The following SNTG1 variants were observed in gnomAD, a reference collection of about 807,000 sequenced individuals.
The protein encoded by SNTG1 is gamma-1-syntrophin.
In SNTG1, 39 loss-of-function variants were observed where a neutral mutation model predicts 74.7. The observed-to-expected ratio is 0.52, with a 90% CI of 0.40 to 0.68. The LOEUF is 0.68. Among genes scored for constraint, SNTG1 ranks in the 30% least tolerant of loss-of-function variants. The probability of loss-of-function intolerance (pLI) is 0.00; values close to 1 mark genes in which losing one functional copy is unlikely to be tolerated. For missense variants in SNTG1, 685 were observed against 609.5 expected, an observed-to-expected ratio of 1.12 and a Z score of -1.30; for synonymous variants, 254 against 217.1, an observed-to-expected ratio of 1.17 and a Z score of -1.49.
In SNTG1 at chr8:50,731,941, C is replaced by T. The variant is rs140736596; in HGVS notation, c.1285-20060C>T. On this transcript the variant is annotated intron_variant, in intron 17 of 18. Transcript: ENST00000642720. ...TTTACAAGTTTACACAATTTGCCTA[C>T]GTTCTTGTCTCTTTTCCTAGTTTAC... Among the ~76,000 whole-genome samples, 10 of 152,170 alleles carry T rather than the reference C, an allele frequency of 6.6e-5. No individual in the cohort carries two copies. In the South Asian group the frequency reaches 8.3e-4, roughly 13 times the overall value.
At chr8:50,497,794 A>T (rs117257101) in intron 8 of SNTG1, among the ~76,000 whole-genome samples, 8 of 152,126 alleles carry the variant, frequency 5.3e-5, no homozygotes, top group Non-Finnish European at 1.2e-4. Context: ...CTGAACAATC[A>T]CTAATCTGCT....
intron 1 of SNTG1, among the ~76,000 whole-genome samples, chr8:50,079,241 G>A (rs763564453): frequency 1.4e-4 from 21 of 152,082 alleles, no homozygotes; most frequent in Non-Finnish European, 2.5e-4. Flanking sequence ...ACTTTTTAAC[G>A]ATCGCCATTC....
intron 2 of SNTG1, among the ~76,000 whole-genome samples, chr8:50,256,634 T>A (rs929188201): frequency 1.3e-5 from 2 of 152,084 alleles, no homozygotes; most frequent in Non-Finnish European, 2.9e-5. Context: ...ACATGTTTAA[T>A]AAATATTTTG....
intron 2 of SNTG1, among the ~76,000 whole-genome samples, chr8:50,392,662 A>G (rs2092677545): frequency 6.6e-6 from 1 of 152,208 alleles, no homozygotes; most frequent in Non-Finnish European, 1.5e-5. Context: ...CTTTGTGCTT[A>G]TATATGAATT....
intron 12 of SNTG1, among the ~76,000 whole-genome samples, chr8:50,555,532 G>A (rs2094450997): frequency 6.6e-6 from 1 of 151,982 alleles, no homozygotes; most frequent in African/African-American, 2.4e-5. Context: ...TTAGATATCA[G>A]TTCTACTTCT....
Position 50,734,800 on chromosome 8 carries a change from TATATATAGATATCTATATATATGGAC to T in SNTG1, c.1285-17193_1285-17168del, listed in dbSNP as rs1281891350. On this transcript the variant is annotated intron_variant, in intron 17 of 18. Coordinates refer to ENST00000642720, the MANE Select transcript of SNTG1 (RefSeq NM_018967.5). The stretch of plus-strand genomic sequence containing the variant: ...ATATAGATATCTATATATATGGACA[TATATATAGATATCTATATATATGGAC>T]ATATATATATCTATATATATGGACA... Among the ~76,000 whole-genome samples, 106 of 98,908 alleles carry T rather than the reference TATATATAGATATCTATATATATGGAC, an allele frequency of 1.1e-3. 10 individuals carry two copies. The highest frequency in any genetic ancestry group is 4.5e-3 in the African/African-American group (94 of 20,874). The allele number at this position is 98,908 out of a possible 152,430, so 64.9% of individuals were successfully genotyped here. A position where few individuals can be genotyped will look rare whatever the true frequency, so the allele number is the denominator to read the frequency against.
chr8:49,939,542 C>T (rs1195915333), intron 1 of SNTG1, among the ~76,000 whole-genome samples: 1 of 152,178 alleles, frequency 6.6e-6, no homozygotes, highest in African/African-American at 2.4e-5. Flanking sequence ...CTCAAACAAT[C>T]TTTTCCACTT....
upstream of SNTG1, among the ~76,000 whole-genome samples, chr8:49,910,293 G>T (rs1051382509): frequency 2.0e-5 from 3 of 151,868 alleles, no homozygotes; most frequent in African/African-American, 7.3e-5. Flanking sequence ...GCCCCTCCCG[G>T]ACCCCCGTCC....
intron 12 of SNTG1, among the ~76,000 whole-genome samples, chr8:50,582,461 A>C (rs1356633755): frequency 6.6e-6 from 1 of 152,158 alleles, no homozygotes; most frequent in African/African-American, 2.4e-5. Context: ...TATACTGATA[A>C]GTATCCTCTA....
chr8:50,177,135 A>T (rs1375831437), intron 2 of SNTG1, among the ~76,000 whole-genome samples: 1 of 152,188 alleles, frequency 6.6e-6, no homozygotes, highest in African/African-American at 2.4e-5. Context: ...AGTCTCAAAA[A>T]TTATTCTCAT....
At chr8:50,148,909 T>C (rs367759998) in intron 1 of SNTG1, among the ~76,000 whole-genome samples, 1 of 152,236 alleles carries the variant, frequency 6.6e-6, no homozygotes, top group South Asian at 2.1e-4. Flanking sequence ...TTTGGGTATA[T>C]ACCCAGTAAT....
At chr8:50,077,588 A>T (rs924462844) in intron 1 of SNTG1, among the ~76,000 whole-genome samples, 1 of 152,216 alleles carries the variant, frequency 6.6e-6, no homozygotes, top group African/African-American at 2.4e-5. Context: ...TAATTTGTGT[A>T]AGATAAAATT....
chr8:50,614,430 A>G (rs1384829), intron 13 of SNTG1, among the ~76,000 whole-genome samples: 6,103 of 152,130 alleles, frequency 0.04, 216 homozygotes, highest in African/African-American at 0.085. Context: ...TTATTTTACC[A>G]TCTAAGGAAA....
At chr8:50,165,585 G>A (rs764584964) in intron 1 of SNTG1, among the ~76,000 whole-genome samples, 3 of 152,042 alleles carry the variant, frequency 2.0e-5, no homozygotes, top group Non-Finnish European at 2.9e-5. Flanking sequence ...CTTCAGCCAC[G>A]GACACTCATC....
At chr8:50,380,582 A>T (rs2092463737) in intron 2 of SNTG1, among the ~76,000 whole-genome samples, 1 of 152,172 alleles carries the variant, frequency 6.6e-6, no homozygotes. Context: ...TTTTTGCACC[A>T]ATACTTCCTA....
At chr8:50,747,000 T>C (rs2095556604) in intron 17 of SNTG1, among the ~76,000 whole-genome samples, 1 of 151,524 alleles carries the variant, frequency 6.6e-6, no homozygotes, top group South Asian at 2.1e-4. Context: ...GTGCTTTTGC[T>C]CTTCTGCAGA....
intron 4 of SNTG1, among the ~76,000 whole-genome samples, chr8:50,408,095 C>T (rs1223961551): frequency 6.6e-6 from 1 of 152,120 alleles, no homozygotes; most frequent in Non-Finnish European, 1.5e-5. Flanking sequence ...AAAAAGCAAG[C>T]TAGGAAACAA....
chr8:50,780,328 G>T (rs1206285803), intron 18 of SNTG1, among the ~76,000 whole-genome samples: 2 of 152,064 alleles, frequency 1.3e-5, no homozygotes, highest in Non-Finnish European at 2.9e-5. Context: ...GAATCCCTCT[G>T]GTCCTGGACT....
At chr8:50,246,997 G>A (rs2086431028) in intron 2 of SNTG1, among the ~76,000 whole-genome samples, 1 of 152,156 alleles carries the variant, frequency 6.6e-6, no homozygotes, top group African/African-American at 2.4e-5. Context: ...CTTGTCTGTA[G>A]CTGATCTGGA....
Sources: gnomAD v4.1 joint callset for allele counts (sites outside exome capture counted in the v4.1 genomes callset) on GRCh38, gnomAD v4.1.1 for gene constraint, MANE v1.5 for transcripts, NCBI Gene and HGNC (gene_info 2026-07-23, HGNC 2026-07-21) for gene names.